Variants in ANO1 observed in about 807,000 individuals in gnomAD.
ANO1 encodes anoctamin-1.
ANO1 carries 59 observed loss-of-function variants against 124.0 expected under a neutral mutation model. That is an observed-to-expected ratio of 0.48 (90% confidence interval 0.39 to 0.59). The LOEUF is 0.59. Ranked by LOEUF, ANO1 falls within the 20% of genes least tolerant of loss-of-function variation. The pLI is 0.00. For missense variants in ANO1, 1,059 were observed against 1,328.0 expected, an observed-to-expected ratio of 0.80 and a Z score of 3.15; for synonymous variants, 529 against 532.0, an observed-to-expected ratio of 0.99 and a Z score of 0.08.
At chr11:70,160,352 G>A (rs1346140371) in intron 16 of ANO1, among the ~76,000 whole-genome samples, 1 of 152,046 alleles carries the variant, frequency 6.6e-6, no homozygotes, top group Non-Finnish European at 1.5e-5. Flanking sequence ...ACACCCCTGG[G>A]CAGGGCGGGG....
chr11:70,017,557 C>T (rs1555002142), intron 1 of ANO1, among the ~76,000 whole-genome samples: 1 of 146,796 alleles, frequency 6.8e-6, no homozygotes, highest in East Asian at 2.0e-4. Flanking sequence ...ACTCTGTCAC[C>T]CAGGCTGGAG....
intron 2 of ANO1, among the ~76,000 whole-genome samples, chr11:70,088,885 C>T (rs747080283): frequency 2.6e-5 from 4 of 152,206 alleles, no homozygotes; most frequent in Non-Finnish European, 4.4e-5. Flanking sequence ...TAACACTGTG[C>T]TCTGAAGCCC....
intron 1 of ANO1, among the ~76,000 whole-genome samples, chr11:70,022,391 G>C (rs2135002087): frequency 6.6e-6 from 1 of 152,232 alleles, no homozygotes; most frequent in South Asian, 2.1e-4. Flanking sequence ...GTGAGGTCAG[G>C]AGTTCAAGAC....
intron 7 of ANO1, among the ~76,000 whole-genome samples, chr11:70,112,867 C>T (rs576669445): frequency 1.3e-5 from 2 of 152,138 alleles, no homozygotes; most frequent in African/African-American, 4.8e-5. Flanking sequence ...CCTAATTCCT[C>T]TCTTCTTGAG....
intron 16 of ANO1, among the ~76,000 whole-genome samples, chr11:70,157,979 C>CAAAAAAAAAAAAAAAAAAAA (rs548012147): frequency 1.3e-5 from 1 of 74,294 alleles, no homozygotes; most frequent in Admixed American, 1.6e-4. Context: ...GACCCTGTCT[C>CAAAAAAAAAAAAAAAAAAAA]AAAAAAAAAA....
At chr11:70,109,421 C>T (rs1435768208) in intron 6 of ANO1, among the ~76,000 whole-genome samples, 1 of 152,146 alleles carries the variant, frequency 6.6e-6, no homozygotes, top group Non-Finnish European at 1.5e-5. Context: ...CACAGGGATA[C>T]CCTTGCAGGC....
At position 70,163,272 on chromosome 11, in the gene ANO1, C is replaced by T. The variant is rs1219804201; in HGVS notation, c.1893-11C>T. 6.2e-7 allele frequency: 1 copy of T among 1,612,864 alleles called. No homozygotes were observed. The highest frequency in any genetic ancestry group is 1.7e-5 in the Admixed American group (1 of 59,962). Reference sequence around the variant, plus strand: ...TCATCTTTTCTCTAACGACCTCCCCCATCGTTTCAGGTTTGTTGGACGCCC... The same window carrying T: ...TCATCTTTTCTCTAACGACCTCCCCTATCGTTTCAGGTTTGTTGGACGCCC... On this transcript the variant is annotated splice_polypyrimidine_tract_variant and intron_variant, in intron 18 of 25. Coordinates refer to ENST00000355303, the MANE Select transcript of ANO1 (RefSeq NM_018043.7).
At chr11:70,122,704 T>C (rs1445579473) in intron 8 of ANO1, among the ~76,000 whole-genome samples, 1 of 151,298 alleles carries the variant, frequency 6.6e-6, no homozygotes, top group Non-Finnish European at 1.5e-5. Context: ...CCTCTCTCTG[T>C]CTCTCTCGCT....
the ANO1 span, among the ~76,000 whole-genome samples, chr11:69,968,414 A>G: frequency 6.6e-6 from 1 of 152,250 alleles, no homozygotes; most frequent in African/African-American, 2.4e-5. Flanking sequence ...GAGCATTTGC[A>G]AAAATGAGCA....
In ANO1 at chr11:70,164,122, G is replaced by A. The variant is rs535241993; in HGVS notation, c.1950+782G>A. ...GCCAGCCTGGTTCAGCCTCTGTCAC[G>A]GCCCATGGACTTGCTCCACTGTTTG... On this transcript the variant is annotated intron_variant, in intron 19 of 25. Transcript: ENST00000355303. 5.9e-5 allele frequency among the ~76,000 whole-genome samples: 9 copies of A among 152,228 alleles called. No homozygotes were observed. The East Asian group carries it at 1.7e-3, about 29-fold the overall frequency.
chr11:70,187,809 G>C lies in ANO1; in HGVS notation c.2766G>C (p.Gln922His). Residue 922 changes from glutamine (Q) to histidine (H), a missense_variant, in exon 26 of 26, where the codon CAG (glutamine) becomes CAC (histidine). This residue lies in a region of ANO1 where 809 missense variants were observed against 1,094.9 expected (regional missense o/e 0.74). Transcript: ENST00000355303. ...ACATCCCCAAGGACATCAGCCAGCA[G>C]ATCCACAAGGAGAAGGTGCTCATGG... The part of the protein sequence containing the change: ...IPDIPKDISQ[Q>H]IHKEKVLMVE... 6.2e-7 allele frequency: 1 copy of C among 1,609,454 alleles called. No individual in the cohort carries two copies. Among genetic ancestry groups the C allele is most frequent in the Non-Finnish European group, 8.5e-7 (1 of 1,178,100 alleles).
intron 1 of ANO1, among the ~76,000 whole-genome samples, chr11:70,049,496 G>A (rs1555006059): frequency 6.6e-6 from 1 of 152,236 alleles, no homozygotes; most frequent in Admixed American, 6.5e-5. Flanking sequence ...GGAATAAGTG[G>A]CAGTTGGTTC....
At chr11:70,170,110 G>A (rs1180181991) in intron 21 of ANO1, 9 of 451,728 alleles carry the variant, frequency 2.0e-5, no homozygotes, top group East Asian at 7.1e-5. Context: ...GTCCCCACCC[G>A]GATCCAGGAG....
intron 1 of ANO1, among the ~76,000 whole-genome samples, chr11:70,000,774 C>T (rs1856368511): frequency 1.3e-5 from 2 of 152,078 alleles, no homozygotes; most frequent in East Asian, 1.9e-4. Context: ...CACTCAGACA[C>T]TAGGATGGAT....
intron 7 of ANO1, among the ~76,000 whole-genome samples, chr11:70,114,920 C>A (rs2045920327): frequency 6.6e-6 from 1 of 152,190 alleles, no homozygotes; most frequent in Non-Finnish European, 1.5e-5. Context: ...GAGTGTATCA[C>A]CCGTACTGAA....
intron 12 of ANO1, among the ~76,000 whole-genome samples, chr11:70,151,029 G>T (rs1472384091): frequency 1.3e-5 from 2 of 152,224 alleles, no homozygotes. Flanking sequence ...CAGGGTATAA[G>T]ACGGGCCTCT....
Position 70,185,425 on chromosome 11 carries a change from G to A in ANO1, c.2589-165G>A, listed in dbSNP as rs555126604. 5.3e-5 allele frequency among the ~76,000 whole-genome samples: 8 copies of A among 152,278 alleles called. No homozygotes were observed. In the East Asian group the frequency reaches 1.6e-3, roughly 30 times the overall value. On this transcript the variant is annotated intron_variant, in intron 24 of 25. Transcript: ENST00000355303. ...CCCCTCCACTGTGGAGAGAGACTCC[G>A]TGGGTGCGGGGCCATGGGCTGCTCG...
At chr11:70,147,115 C>T (rs1294172357) in intron 11 of ANO1, among the ~76,000 whole-genome samples, 1 of 151,820 alleles carries the variant, frequency 6.6e-6, no homozygotes, top group Non-Finnish European at 1.5e-5. Flanking sequence ...CGTGGAGCAG[C>T]CCTCCCGGGC....
At chr11:70,080,639 T>G (rs772620386) in intron 1 of ANO1, among the ~76,000 whole-genome samples, 16 of 152,216 alleles carry the variant, frequency 1.1e-4, no homozygotes, top group Admixed American at 4.6e-4. Context: ...CCAGAAACTA[T>G]CTGCCTCCTG....
Sources: gnomAD v4.1 joint callset for allele counts (sites outside exome capture counted in the v4.1 genomes callset) on GRCh38, gnomAD v4.1.1 for gene constraint, gnomAD v4.1.1 regional missense constraint, MANE v1.5 for transcripts, NCBI Gene and HGNC (gene_info 2026-07-23, HGNC 2026-07-21) for gene names.